Variants in RIT2 observed in about 807,000 individuals in gnomAD.
RIT2 encodes the protein Ras like without CAAX 2.
Under a neutral mutation model 23.7 loss-of-function variants are expected in RIT2, and 24 were observed. The ratio of observed to expected loss-of-function variants is 1.01; its 90% CI spans 0.73 to 1.43. The LOEUF (loss-of-function observed/expected upper bound fraction) is 1.43. RIT2 is among the 40% of genes most tolerant of loss of function. The pLI is 0.00. For missense variants in RIT2, 236 were observed against 266.9 expected (o/e 0.88, Z 0.81); for synonymous variants, 107 against 91.1 (o/e 1.17, Z -0.99).
At position 42,837,065 on chromosome 18, in the gene RIT2, G is replaced by T. The variant is rs567954228; in HGVS notation, c.426+86507C>A. On this transcript the variant is annotated intron_variant, in intron 4 of 4. Transcript: ENST00000326695. ...AATGCACACCCACATCACATCAAGC[G>T]CTCTTTAATAAAACAATTCAACTGA... Among the ~76,000 whole-genome samples, 4 of 148,564 alleles carry T rather than the reference G, an allele frequency of 2.7e-5. No individual in the cohort carries two copies. In the South Asian group the frequency reaches 8.6e-4, roughly 32 times the overall value.
At chr18:43,047,882 G>A (rs1390163233) in intron 1 of RIT2, among the ~76,000 whole-genome samples, 3 of 152,096 alleles carry the variant, frequency 2.0e-5, no homozygotes, top group Non-Finnish European at 4.4e-5. Context: ...AAAAATATGA[G>A]GGGAGTTCTA....
intron 4 of RIT2, among the ~76,000 whole-genome samples, chr18:42,786,344 G>A (rs975104730): frequency 1.3e-5 from 2 of 151,968 alleles, no homozygotes; most frequent in African/African-American, 2.4e-5. Context: ...TTATTTACTC[G>A]AGGCATTTAA....
At chr18:42,964,177 C>T (rs545556539) in intron 3 of RIT2, among the ~76,000 whole-genome samples, 4 of 151,604 alleles carry the variant, frequency 2.6e-5, no homozygotes, top group South Asian at 4.2e-4. Context: ...GGCGAAAGGC[C>T]GAGACTCCAT....
At chr18:42,795,536 C>T (rs956457652) in intron 4 of RIT2, among the ~76,000 whole-genome samples, 4 of 152,216 alleles carry the variant, frequency 2.6e-5, no homozygotes, top group Non-Finnish European at 4.4e-5. Context: ...GGCTCCTGTG[C>T]GCCTGAGCCT....
At chr18:43,049,235 AG>A (rs1403429068) in intron 1 of RIT2, among the ~76,000 whole-genome samples, 3 of 152,180 alleles carry the variant, frequency 2.0e-5, no homozygotes, top group Non-Finnish European at 4.4e-5. Context: ...TGACACAATA[AG>A]AACTACCGGG....
intron 1 of RIT2, among the ~76,000 whole-genome samples, chr18:43,099,524 C>A (rs578209509): frequency 7.9e-5 from 12 of 152,032 alleles, no homozygotes; most frequent in South Asian, 2.1e-4. Flanking sequence ...TTATCAAATA[C>A]CTATATACAG....
chr18:42,841,467 G>A (rs1038710221), intron 4 of RIT2, among the ~76,000 whole-genome samples: 6 of 152,146 alleles, frequency 3.9e-5, no homozygotes, highest in African/African-American at 1.4e-4. Context: ...CTAGAAAACA[G>A]TATTTCCTCC....
intron 4 of RIT2, among the ~76,000 whole-genome samples, chr18:42,870,594 C>G (rs1907595771): frequency 6.6e-6 from 1 of 152,166 alleles, no homozygotes; most frequent in South Asian, 2.1e-4. Flanking sequence ...GGTATGAAAT[C>G]CTTTTGAAAC....
At chr18:43,062,562 A>T (rs1912672815) in intron 1 of RIT2, among the ~76,000 whole-genome samples, 1 of 152,226 alleles carries the variant, frequency 6.6e-6, no homozygotes, top group South Asian at 2.1e-4. Flanking sequence ...CAAATTGCAT[A>T]CATAGCTTCA....
chr18:42,999,257 T>C (rs72895272), intron 2 of RIT2, among the ~76,000 whole-genome samples: 7,216 of 152,056 alleles, frequency 0.047, 213 homozygotes, highest in Middle Eastern at 0.14. Flanking sequence ...TAAAAAAAAA[T>C]CTTTCATTAC....
At chr18:42,836,668 A>G (rs2144017249) in intron 4 of RIT2, among the ~76,000 whole-genome samples, 1 of 152,310 alleles carries the variant, frequency 6.6e-6, no homozygotes, top group East Asian at 1.9e-4. Context: ...GTAATAGTGA[A>G]GAAAAATGCC....
intron 3 of RIT2, among the ~76,000 whole-genome samples, chr18:42,930,266 C>A (rs1475505138): frequency 1.3e-5 from 2 of 151,632 alleles, no homozygotes; most frequent in African/African-American, 4.8e-5. Flanking sequence ...GAGGAAAGGG[C>A]CACTGAAAGC....
intron 4 of RIT2, among the ~76,000 whole-genome samples, chr18:42,770,309 A>G (rs1459296039): frequency 6.6e-6 from 1 of 152,198 alleles, no homozygotes; most frequent in Admixed American, 6.5e-5. Flanking sequence ...AACGACCTAG[A>G]GGCATAGCTT....
At chr18:42,866,348 A>G (rs1225451693) in intron 4 of RIT2, among the ~76,000 whole-genome samples, 1 of 152,188 alleles carries the variant, frequency 6.6e-6, no homozygotes, top group Non-Finnish European at 1.5e-5. Context: ...ATGAAAATAT[A>G]GTCTCTCACA....
chr18:42,898,313 G>A (rs1322063221), intron 4 of RIT2, among the ~76,000 whole-genome samples: 1 of 152,106 alleles, frequency 6.6e-6, no homozygotes, highest in Non-Finnish European at 1.5e-5. Flanking sequence ...AGAATTGCTT[G>A]AACCCAGGAG....
chr18:42,766,865 C>T (rs1260934124), intron 4 of RIT2, among the ~76,000 whole-genome samples: 1 of 152,314 alleles, frequency 6.6e-6, no homozygotes, highest in Non-Finnish European at 1.5e-5. Context: ...TAGATTTTGG[C>T]CTGTGGCTTC....
intron 4 of RIT2, among the ~76,000 whole-genome samples, chr18:42,810,573 G>A (rs959336958): frequency 6.6e-6 from 1 of 151,818 alleles, no homozygotes; most frequent in Non-Finnish European, 1.5e-5. Context: ...GAAATAGAGA[G>A]GCTATTCTCT....
intron 4 of RIT2, among the ~76,000 whole-genome samples, chr18:42,828,946 G>T (rs1906380864): frequency 6.6e-6 from 1 of 152,172 alleles, no homozygotes; most frequent in Non-Finnish European, 1.5e-5. Context: ...ACAGGGCACA[G>T]GTGCTGCCCT....
intron 4 of RIT2, among the ~76,000 whole-genome samples, chr18:42,751,904 C>G (rs1913055347): frequency 6.6e-6 from 1 of 151,916 alleles, no homozygotes; most frequent in Admixed American, 6.6e-5. Flanking sequence ...TGAAAGCATA[C>G]TTTAACAATA....
Sources: allele counts gnomAD v4.1 joint callset (sites outside exome capture counted in the v4.1 genomes callset), GRCh38; gene constraint gnomAD v4.1.1; transcripts MANE v1.5; gene names NCBI Gene and HGNC (gene_info 2026-07-23, HGNC 2026-07-21).